Variants in SLC8A1 observed in about 807,000 individuals in gnomAD.
The protein encoded by SLC8A1 is solute carrier family 8 member A1.
SLC8A1 carries 18 observed loss-of-function variants against 68.3 expected under a neutral mutation model. The observed-to-expected ratio is 0.26, with a 90% CI of 0.18 to 0.39. SLC8A1 has a LOEUF of 0.39. SLC8A1 is among the 10% of genes least tolerant of loss of function. SLC8A1 has a pLI of 1.00. For synonymous variants in SLC8A1, 475 were observed against 415.5 expected (o/e 1.14, Z -1.74); for missense variants, 985 against 1,156.7 (o/e 0.85, Z 2.15).
chr2:40,456,467 G>C (rs971976983), upstream of SLC8A1, among the ~76,000 whole-genome samples: 1 of 152,042 alleles, frequency 6.6e-6, no homozygotes, highest in African/African-American at 2.4e-5. Context: ...TCATTATCTA[G>C]AGCTATTAAT....
intron 1 of SLC8A1, among the ~76,000 whole-genome samples, chr2:40,501,827 A>T (rs1457044021): frequency 1.3e-5 from 2 of 152,074 alleles, no homozygotes; most frequent in Non-Finnish European, 2.9e-5. Flanking sequence ...CAACAAGAAT[A>T]TGTCATCTCC....
At chr2:40,426,070 C>G (rs1233534348) in intron 2 of SLC8A1, among the ~76,000 whole-genome samples, 2 of 151,942 alleles carry the variant, frequency 1.3e-5, no homozygotes, top group African/African-American at 4.8e-5. Flanking sequence ...GTACAATCAA[C>G]AGACCTATTT....
At chr2:40,314,061 G>T (rs945521447) in intron 2 of SLC8A1, among the ~76,000 whole-genome samples, 38 of 151,874 alleles carry the variant, frequency 2.5e-4, no homozygotes, top group Non-Finnish European at 7.4e-5. Context: ...TTTGGATAAA[G>T]AATCTAGGAA....
chr2:40,158,995 T>C (rs565622902), intron 6 of SLC8A1, among the ~76,000 whole-genome samples: 1 of 152,322 alleles, frequency 6.6e-6, no homozygotes, highest in Non-Finnish European at 1.5e-5. Flanking sequence ...TTTCTATTGC[T>C]ATAGACTGGT....
At chr2:40,443,932 C>T (rs1178433180) in intron 1 of SLC8A1, among the ~76,000 whole-genome samples, 1 of 152,158 alleles carries the variant, frequency 6.6e-6, no homozygotes. Flanking sequence ...TGAAAATTAC[C>T]CAAATATGTA....
intron 2 of SLC8A1, among the ~76,000 whole-genome samples, chr2:40,417,346 G>A (rs1271358090): frequency 6.6e-6 from 1 of 152,008 alleles, no homozygotes; most frequent in African/African-American, 2.4e-5. Context: ...ACTTTGGGAA[G>A]GTTGGCCCAG....
chr2:40,179,997 A>G (rs777999773), intron 2 of SLC8A1, among the ~76,000 whole-genome samples: 2 of 152,078 alleles, frequency 1.3e-5, no homozygotes, highest in African/African-American at 4.8e-5. Context: ...TCACATTCCA[A>G]TTTCTCACTC....
chr2:40,238,268 G>T (rs1162687314), intron 2 of SLC8A1, among the ~76,000 whole-genome samples: 2 of 152,218 alleles, frequency 1.3e-5, no homozygotes, highest in South Asian at 2.1e-4. Context: ...CTCCGTGGGC[G>T]TAGGACCCTC....
chr2:40,284,449 G>GTATATCTATAGATA (rs989860315), intron 2 of SLC8A1, among the ~76,000 whole-genome samples: 4 of 140,276 alleles, frequency 2.9e-5, no homozygotes, highest in African/African-American at 5.6e-5. Flanking sequence ...ATATATAAAT[G>GTATATCTATAGATA]TATATCTATA....
chr2:40,446,910 G>A (rs1701548140), intron 1 of SLC8A1, among the ~76,000 whole-genome samples: 1 of 152,192 alleles, frequency 6.6e-6, no homozygotes, highest in Admixed American at 6.5e-5. Context: ...TCTTTGAAAA[G>A]CCAAGCACAG....
chr2:40,309,077 G>T (rs912867204), intron 2 of SLC8A1, among the ~76,000 whole-genome samples: 1 of 151,962 alleles, frequency 6.6e-6, no homozygotes, highest in Non-Finnish European at 1.5e-5. Context: ...GAAAAAAAAA[G>T]CTTCACCAGT....
intron 2 of SLC8A1, among the ~76,000 whole-genome samples, chr2:40,232,619 C>CT (rs2059810452): frequency 7.4e-6 from 1 of 135,612 alleles, no homozygotes; most frequent in African/African-American, 2.8e-5. Flanking sequence ...TTTTTATATA[C>CT]TTTAAGTTTT....
intron 2 of SLC8A1, among the ~76,000 whole-genome samples, chr2:40,391,160 T>A (rs1172541184): frequency 1.1e-5 from 1 of 87,892 alleles, no homozygotes; most frequent in African/African-American, 5.2e-5. Flanking sequence ...TATATATAAA[T>A]ATATATGTAG....
chr2:40,115,499 G>A (rs2035149513), exon 8 of SLC8A1: 1 of 1,614,076 alleles, frequency 6.2e-7, no homozygotes, highest in East Asian at 2.2e-5. Flanking sequence ...TGGCTGCGTG[G>A]TAGATGGCAG....
chr2:40,359,741 A>G (rs1360057486), intron 2 of SLC8A1, among the ~76,000 whole-genome samples: 1 of 152,170 alleles, frequency 6.6e-6, no homozygotes, highest in Non-Finnish European at 1.5e-5. Flanking sequence ...GTATATGGAA[A>G]TATACAATTT....
At chr2:40,302,031 C>CTGTGTGTGTGTGTGTGTGTGTGTGTGTG (rs374407377) in intron 2 of SLC8A1, among the ~76,000 whole-genome samples, 3 of 132,228 alleles carry the variant, frequency 2.3e-5, no homozygotes, top group Non-Finnish European at 4.8e-5. Context: ...CCGGGCTAAT[C>CTGTGTGTGTGTGTGTGTGTGTGTGTGTG]TGTGTGTGTG....
rs572679091 is a variant in SLC8A1 at position 40,184,170 on chromosome 2, C to G, written c.1809-6315G>C. ...CAGAACTGCGAGACAGAGTGAGACA[C>G]TGTCTCAATCAATCAATCAACCAAT... On this transcript the variant is annotated intron_variant, in intron 2 of 7. Coordinates refer to ENST00000406785, the Ensembl canonical transcript of SLC8A1. Among the ~76,000 whole-genome samples the G allele has an allele frequency of 4.1e-4, 62 of 152,232 alleles. 1 individual carries two copies. Among genetic ancestry groups the G allele is most frequent in the African/African-American group, 1.3e-3 (56 of 41,556 alleles).
intron 2 of SLC8A1, among the ~76,000 whole-genome samples, chr2:40,302,563 C>T (rs1479123478): frequency 1.4e-5 from 2 of 147,338 alleles, no homozygotes; most frequent in African/African-American, 5.0e-5. Flanking sequence ...GTATATATAT[C>T]TGTATAACAT....
chr2:40,459,320 A>G (rs1703203625), intron 1 of SLC8A1, among the ~76,000 whole-genome samples: 1 of 152,238 alleles, frequency 6.6e-6, no homozygotes, highest in African/African-American at 2.4e-5. Flanking sequence ...TGACACCACC[A>G]AACCTTTTTT....
Sources: allele counts gnomAD v4.1 joint callset (sites outside exome capture counted in the v4.1 genomes callset), GRCh38; gene constraint gnomAD v4.1.1; transcripts MANE v1.5; gene names NCBI Gene and HGNC (gene_info 2026-07-23, HGNC 2026-07-21).